The following CRPPA variants were observed in gnomAD, a reference collection of about 807,000 sequenced individuals.
CRPPA encodes CDP-L-ribitol pyrophosphorylase A.
A neutral mutation model predicts 52.0 loss-of-function variants in CRPPA; 43 were observed. That is an observed-to-expected ratio of 0.83 (90% CI 0.65 to 1.07). CRPPA has a LOEUF of 1.07. Ranked by LOEUF, CRPPA falls within the 50% of genes least tolerant of loss-of-function variation. The probability of loss-of-function intolerance (pLI) is 0.00; values close to 1 mark genes in which losing one functional copy is unlikely to be tolerated. For missense variants in CRPPA, 629 were observed against 551.7 expected, an observed-to-expected ratio of 1.14 and a Z score of -1.40; for synonymous variants, 250 against 203.5, an observed-to-expected ratio of 1.23 and a Z score of -1.94.
At chr7:16,196,847 C>G (rs1355828870) in intron 9 of CRPPA, among the ~76,000 whole-genome samples, 1 of 152,114 alleles carries the variant, frequency 6.6e-6, no homozygotes, top group African/African-American at 2.4e-5. Flanking sequence ...CTAGATCACT[C>G]TTAGAGTTTT....
chr7:16,406,343 A>G lies in CRPPA; in HGVS notation c.258-6T>C. On this transcript the variant is annotated splice_region_variant and splice_polypyrimidine_tract_variant and intron_variant, in intron 1 of 9. Transcript: ENST00000407010. ...TGTCCTTTATCCAACATACTCTAAA[A>G]GGAAAGTATATGTACAATTCGTAAA... 1 of 1,610,876 alleles carries G rather than the reference A, an allele frequency of 6.2e-7. No individual in the cohort carries two copies. The highest frequency in any genetic ancestry group is 8.5e-7 in the Non-Finnish European group (1 of 1,177,492).
intron 2 of CRPPA, among the ~76,000 whole-genome samples, chr7:16,377,686 T>C (rs1017030732): frequency 6.6e-6 from 1 of 152,078 alleles, no homozygotes; most frequent in South Asian, 2.1e-4. Context: ...CCGTGACCCG[T>C]TTCTTCTTCT....
intron 3 of CRPPA, among the ~76,000 whole-genome samples, chr7:16,341,996 A>G (rs529924573): frequency 1.1e-3 from 164 of 151,704 alleles, no homozygotes; most frequent in African/African-American, 3.7e-3. Context: ...CAACCTTTCT[A>G]TTGGTTTCTC....
chr7:16,317,383 G>T (rs1785165104), intron 3 of CRPPA, among the ~76,000 whole-genome samples: 1 of 152,180 alleles, frequency 6.6e-6, no homozygotes, highest in African/African-American at 2.4e-5. Flanking sequence ...AATGTAAATT[G>T]TTAACCCTAA....
At chr7:16,209,084 G>C (rs184221123) in intron 9 of CRPPA, 32 of 374,876 alleles carry the variant, frequency 8.5e-5, no homozygotes, top group Admixed American at 1.4e-4. Context: ...TAGCAGGGTG[G>C]CTCTGGTGGG....
intron 3 of CRPPA, among the ~76,000 whole-genome samples, chr7:16,373,030 C>T (rs1000916698): frequency 7.9e-5 from 12 of 152,220 alleles, no homozygotes; most frequent in African/African-American, 2.7e-4. Context: ...TGTGGTGGCT[C>T]ATGCCTGTAA....
In CRPPA at chr7:16,358,606, C is replaced by A. The variant is rs531754384; in HGVS notation, c.684+17486G>T. 2.6e-5 allele frequency among the ~76,000 whole-genome samples: 4 copies of A among 152,252 alleles called. No individual in the cohort carries two copies. The South Asian group carries it at 8.3e-4, about 32-fold the overall frequency. ...TTCTGTCATTACTAGGAATCAAAAA[C>A]CTTGAGTGATGACTTGACACAGAAT... On this transcript the variant is annotated intron_variant, in intron 3 of 9. Coordinates refer to ENST00000407010, the MANE Select transcript of CRPPA (RefSeq NM_001101426.4).
intron 9 of CRPPA, among the ~76,000 whole-genome samples, chr7:16,184,738 T>C (rs1324911495): frequency 2.0e-5 from 3 of 152,216 alleles, no homozygotes; most frequent in Non-Finnish European, 2.9e-5. Flanking sequence ...TTCTCAGTAA[T>C]TTTACTTATG....
intron 8 of CRPPA, among the ~76,000 whole-genome samples, chr7:16,242,821 G>C (rs1783158906): frequency 6.6e-6 from 1 of 152,036 alleles, no homozygotes; most frequent in African/African-American, 2.4e-5. Flanking sequence ...TATAAGATGT[G>C]GTGTTATCAG....
chr7:16,241,185 CTTTCTTTTCT>C (rs1290904469), intron 8 of CRPPA, among the ~76,000 whole-genome samples: 2 of 151,926 alleles, frequency 1.3e-5, no homozygotes, highest in African/African-American at 2.4e-5. Flanking sequence ...TGGATGATGA[CTTTCTTTTCT>C]TTTCTTTTTT....
chr7:16,164,451 G>A (rs538365666), intron 9 of CRPPA, among the ~76,000 whole-genome samples: 1 of 152,238 alleles, frequency 6.6e-6, no homozygotes, highest in South Asian at 2.1e-4. Context: ...CGTTGAGTTA[G>A]AACCTGCTCC....
rs558064127 is a variant in CRPPA, at chr7:16,421,244, T to G, written c.79A>C (p.Thr27Pro). 3.6e-4 allele frequency: 472 copies of G among 1,327,884 alleles called. 1 individual carries two copies. In the African/African-American group the frequency reaches 6.2e-3, roughly 17 times the overall value. The allele number at this position is 1,327,884 out of a possible 1,614,324, so 82.3% of individuals were successfully genotyped here. Residue 27 changes from threonine (T) to proline (P), a missense_variant, in exon 1 of 10, where the codon ACG becomes CCG. By Grantham distance (38) the Thr-to-Pro change is conservative. Coordinates refer to ENST00000407010, the MANE Select transcript of CRPPA (RefSeq NM_001101426.4). ...CLSGQRGADH[T>P]ASASLQSVAG... The stretch of plus-strand genomic sequence containing the variant: ...ACGCTCTGCAGGGAGGCGGAAGCCG[T>G]GTGGTCCGCGCCGCGCTGACCACTC...
At chr7:16,185,198 C>T (rs915589426) in intron 9 of CRPPA, among the ~76,000 whole-genome samples, 10 of 152,138 alleles carry the variant, frequency 6.6e-5, no homozygotes, top group Admixed American at 4.6e-4. Flanking sequence ...AAGTGAAAGG[C>T]GTGTCACACA....
intron 1 of CRPPA, among the ~76,000 whole-genome samples, chr7:16,406,631 T>A (rs540421542): frequency 6.6e-6 from 1 of 152,330 alleles, no homozygotes. Flanking sequence ...TTACTTAAAT[T>A]TGAATAATTA....
intron 9 of CRPPA, among the ~76,000 whole-genome samples, chr7:16,147,048 G>A (rs563440531): frequency 3.3e-5 from 5 of 152,308 alleles, no homozygotes; most frequent in Middle Eastern, 3.4e-3. Flanking sequence ...CAGGGTGAAA[G>A]TGAAAAGATC....
At chr7:16,248,372 C>T (rs1458013638) in intron 8 of CRPPA, among the ~76,000 whole-genome samples, 1 of 151,976 alleles carries the variant, frequency 6.6e-6, no homozygotes, top group African/African-American at 2.4e-5. Flanking sequence ...ATGTGCCTGT[C>T]TTTGTGCATT....
intron 1 of CRPPA, among the ~76,000 whole-genome samples, 184 bp downstream of exon 1, chr7:16,420,882 C>A (rs1198197773): frequency 6.6e-6 from 1 of 152,102 alleles, no homozygotes; most frequent in Non-Finnish European, 1.5e-5. Flanking sequence ...AGCTTTCGTG[C>A]CCATCTGTTA....
intron 5 of CRPPA, among the ~76,000 whole-genome samples, chr7:16,279,790 C>T (rs972813205): frequency 2.0e-5 from 3 of 152,136 alleles, no homozygotes; most frequent in African/African-American, 7.2e-5. Context: ...GTCACATAAA[C>T]GTAGTGTGAC....
In CRPPA at chr7:16,089,399, T is replaced by C. The variant is rs1020137158; in HGVS notation, c.*2296A>G. 2 of 363,410 alleles carry C rather than the reference T, an allele frequency of 5.5e-6. No individual in the cohort carries two copies. Among genetic ancestry groups the C allele is most frequent in the Non-Finnish European group, 1.2e-5 (2 of 165,354 alleles). 22.5% of individuals were successfully genotyped at this position (363,410 alleles called of 1,614,324 possible). On this transcript the variant is annotated 3_prime_UTR_variant, in exon 10 of 10. Transcript: ENST00000407010. Reference sequence around the variant, plus strand: ...ATATATACGTATATATGTATGTACATAATGTGTATATATGTACGTACATAC... The same window carrying C: ...ATATATACGTATATATGTATGTACACAATGTGTATATATGTACGTACATAC...
Sources: gnomAD v4.1 joint callset for allele counts (sites outside exome capture counted in the v4.1 genomes callset) on GRCh38, gnomAD v4.1.1 for gene constraint, MANE v1.5 for transcripts, NCBI Gene and HGNC (gene_info 2026-07-23, HGNC 2026-07-21) for gene names.